Variants in MYO5B observed in about 807,000 individuals in gnomAD.
MYO5B encodes myosin VB.
Under a neutral mutation model 229.3 loss-of-function variants are expected in MYO5B, and 143 were observed. The ratio of observed to expected loss-of-function variants is 0.62; its 90% CI spans 0.54 to 0.72. MYO5B has a LOEUF of 0.72. Ranked by LOEUF, MYO5B falls within the 30% of genes least tolerant of loss-of-function variation. MYO5B has a pLI of 0.00. For missense variants in MYO5B, 2,321 were observed against 2,331.0 expected (o/e 1.00, Z 0.09); for synonymous variants, 918 against 885.2 (o/e 1.04, Z -0.66).
chr18:49,915,370 G>A (rs556550482), intron 17 of MYO5B, among the ~76,000 whole-genome samples: 1 of 152,132 alleles, frequency 6.6e-6, no homozygotes, highest in Non-Finnish European at 1.5e-5. Context: ...GGTCCCATGT[G>A]TCACGCACGT....
At chr18:50,128,406 G>A (rs947668191) in intron 1 of MYO5B, among the ~76,000 whole-genome samples, 2 of 152,212 alleles carry the variant, frequency 1.3e-5, no homozygotes, top group Admixed American at 6.5e-5. Context: ...CACACAGGTA[G>A]ATGGGGTGCC....
chr18:50,090,185 A>G (rs1200949047), intron 1 of MYO5B, among the ~76,000 whole-genome samples: 1 of 152,100 alleles, frequency 6.6e-6, no homozygotes, highest in African/African-American at 2.4e-5. Context: ...CATGAGGACA[A>G]AGAACCCTGG....
Position 50,183,321 on chromosome 18 carries a change from ATATATATATATATATATC to A in MYO5B, c.27+11428_27+11445del, listed in dbSNP as rs879316546. On this transcript the variant is annotated intron_variant, in intron 1 of 39. Transcript: ENST00000285039. Reference sequence around the variant, plus strand: ...TCAATTTTATCATATATATATATATATATATATATATATATATCTCCTTCAATACTATTCATTTTGTTT... The same window carrying A: ...TCAATTTTATCATATATATATATATATCCTTCAATACTATTCATTTTGTTT... Among the ~76,000 whole-genome samples the A allele has an allele frequency of 4.0e-3, 555 of 140,490 alleles. 10 individuals carry two copies. Among genetic ancestry groups the A allele is most frequent in the Non-Finnish European group, 6.1e-3 (397 of 65,428 alleles). 92.2% of individuals were successfully genotyped at this position (140,490 alleles called of 152,430 possible).
At chr18:49,860,059 G>A (rs910216348) in intron 29 of MYO5B, among the ~76,000 whole-genome samples, 1 of 152,178 alleles carries the variant, frequency 6.6e-6, no homozygotes, top group African/African-American at 2.4e-5. Context: ...GAGGCCTCCT[G>A]TCTTGCCGGG....
chr18:50,192,929 A>G (rs2033248235), intron 1 of MYO5B, among the ~76,000 whole-genome samples: 1 of 152,140 alleles, frequency 6.6e-6, no homozygotes, highest in Non-Finnish European at 1.5e-5. Context: ...TCCCCCACAA[A>G]CTTTCCCCCT....
chr18:50,034,563 G>A (rs1409911489), intron 4 of MYO5B, among the ~76,000 whole-genome samples: 1 of 152,148 alleles, frequency 6.6e-6, no homozygotes, highest in Non-Finnish European at 1.5e-5. Flanking sequence ...GGCCAACATG[G>A]TGAAACCCCG....
chr18:50,051,475 A>G (rs2666927), intron 2 of MYO5B, among the ~76,000 whole-genome samples: 148,919 of 152,292 alleles, frequency 0.98, 72,906 homozygotes, highest in East Asian at 1. Flanking sequence ...TGACACTAGA[A>G]GGCAGGAGTC....
intron 4 of MYO5B, among the ~76,000 whole-genome samples, chr18:50,017,427 C>T (rs1438001458): frequency 2.0e-5 from 3 of 152,152 alleles, no homozygotes; most frequent in African/African-American, 7.2e-5. Flanking sequence ...GCCCGGCTAC[C>T]TTAGCATAAT....
intron 1 of MYO5B, among the ~76,000 whole-genome samples, chr18:50,058,310 A>G (rs917711526): frequency 6.6e-6 from 1 of 152,102 alleles, no homozygotes; most frequent in South Asian, 2.1e-4. Flanking sequence ...TACAAAACTT[A>G]AAAAAGAAAA....
At chr18:49,991,302 A>C (rs1466282857) in intron 6 of MYO5B, among the ~76,000 whole-genome samples, 1 of 152,218 alleles carries the variant, frequency 6.6e-6, no homozygotes, top group Non-Finnish European at 1.5e-5. Flanking sequence ...ACCAAGAAAC[A>C]AACAGCTGAG....
intron 4 of MYO5B, among the ~76,000 whole-genome samples, chr18:50,025,944 T>A (rs2026326232): frequency 6.6e-6 from 1 of 152,224 alleles, no homozygotes; most frequent in Non-Finnish European, 1.5e-5. Context: ...TATAAATTGT[T>A]TTCTGTGACA....
chr18:49,914,362 G>A (rs77380851), intron 17 of MYO5B, among the ~76,000 whole-genome samples: 6,369 of 152,236 alleles, frequency 0.042, 177 homozygotes, highest in South Asian at 0.15. Context: ...GAACTCTCCC[G>A]TCTCATACTC....
chr18:49,956,640 G>A (rs553242529), intron 12 of MYO5B, among the ~76,000 whole-genome samples: 1 of 150,952 alleles, frequency 6.6e-6, no homozygotes, highest in East Asian at 1.9e-4. Flanking sequence ...ATAATATGCA[G>A]CTGAACTGAA....
chr18:49,849,563 C>A lies in MYO5B; in HGVS notation c.4315+4G>T. 1 of 1,605,660 alleles carries A rather than the reference C, an allele frequency of 6.2e-7. No homozygotes were observed. The highest frequency in any genetic ancestry group is 8.5e-7 in the Non-Finnish European group (1 of 1,173,656). On this transcript the variant is annotated splice_donor_region_variant and intron_variant, in intron 32 of 39. Coordinates refer to ENST00000285039, the MANE Select transcript of MYO5B (RefSeq NM_001080467.3). The stretch of plus-strand genomic sequence containing the variant: ...ACAAAACACACTCACTCACACCCCC[C>A]TACCTTCTAGGTCCTGGGCTTTCTT...
chr18:50,001,052 C>T (rs2026041163), intron 5 of MYO5B, among the ~76,000 whole-genome samples: 1 of 152,170 alleles, frequency 6.6e-6, no homozygotes, highest in Non-Finnish European at 1.5e-5. Flanking sequence ...TATGAGGACA[C>T]TCTACCCAGT....
At chr18:49,952,247 A>T (rs2025438209) in intron 14 of MYO5B, among the ~76,000 whole-genome samples, 1 of 152,180 alleles carries the variant, frequency 6.6e-6, no homozygotes, top group Admixed American at 6.5e-5. Flanking sequence ...CACAAAGAGA[A>T]ATTAATCTGC....
intron 21 of MYO5B, among the ~76,000 whole-genome samples, chr18:49,899,980 C>T (rs910558620): frequency 2.6e-5 from 4 of 152,026 alleles, no homozygotes; most frequent in Non-Finnish European, 4.4e-5. Flanking sequence ...TTTTCAAGCA[C>T]GTGGATTGTA....
intron 1 of MYO5B, among the ~76,000 whole-genome samples, chr18:50,059,087 C>G (rs1328933054): frequency 6.6e-6 from 1 of 152,162 alleles, no homozygotes; most frequent in African/African-American, 2.4e-5. Flanking sequence ...ACATCAGTTT[C>G]ACCTCATTAC....
intron 3 of MYO5B, among the ~76,000 whole-genome samples, chr18:50,039,440 T>G (rs2029937472): frequency 6.6e-6 from 1 of 152,234 alleles, no homozygotes; most frequent in Admixed American, 6.5e-5. Flanking sequence ...CAAGCGATTC[T>G]CCTGCCTCAG....
Sources: gnomAD v4.1 joint callset for allele counts (sites outside exome capture counted in the v4.1 genomes callset) on GRCh38, gnomAD v4.1.1 for gene constraint, MANE v1.5 for transcripts, NCBI Gene and HGNC (gene_info 2026-07-23, HGNC 2026-07-21) for gene names.